Variants in PTPN14 observed in about 807,000 individuals in gnomAD.
PTPN14 encodes protein tyrosine phosphatase non-receptor type 14.
Under a neutral mutation model 126.8 loss-of-function variants are expected in PTPN14, and 53 were observed. The observed-to-expected ratio is 0.42, with a 90% confidence interval of 0.34 to 0.53. The LOEUF is 0.53. Ranked by LOEUF, PTPN14 falls within the 20% of genes least tolerant of loss-of-function variation. The pLI, the probability that PTPN14 is intolerant of heterozygous loss-of-function variation, is 0.08. For synonymous variants in PTPN14, 630 were observed against 599.3 expected (o/e 1.05, Z -0.75); for missense variants, 1,257 against 1,552.9 (o/e 0.81, Z 3.20).
intron 1 of PTPN14, among the ~76,000 whole-genome samples, chr1:214,515,762 T>C (rs1204761985): frequency 6.6e-6 from 1 of 151,792 alleles, no homozygotes; most frequent in Non-Finnish European, 1.5e-5. Context: ...ATTGCTAGCA[T>C]AAAAACAAAT....
At chr1:214,515,695 C>T (rs1360692499) in intron 1 of PTPN14, among the ~76,000 whole-genome samples, 1 of 151,986 alleles carries the variant, frequency 6.6e-6, no homozygotes, top group Non-Finnish European at 1.5e-5. Context: ...AATATTTCAA[C>T]ATTTTTAGTG....
At chr1:214,545,604 A>C (rs1425112228) in intron 1 of PTPN14, among the ~76,000 whole-genome samples, 2 of 152,164 alleles carry the variant, frequency 1.3e-5, no homozygotes, top group Non-Finnish European at 2.9e-5. Flanking sequence ...GGATGGAGGG[A>C]AAGGAGCAAA....
intron 1 of PTPN14, among the ~76,000 whole-genome samples, chr1:214,498,167 G>A (rs1237881220): frequency 6.6e-6 from 1 of 152,178 alleles, no homozygotes; most frequent in Admixed American, 6.5e-5. Flanking sequence ...TCTACTGAAT[G>A]TTATTGTTTC....
At chr1:214,493,906 T>A (rs968326215) in intron 1 of PTPN14, among the ~76,000 whole-genome samples, 8 of 152,154 alleles carry the variant, frequency 5.3e-5, no homozygotes, top group Non-Finnish European at 1.0e-4. Context: ...ATTTAAAAAA[T>A]TTAAAAATAC....
At chr1:214,406,758 C>T (rs1659181119) in intron 5 of PTPN14, among the ~76,000 whole-genome samples, 1 of 152,134 alleles carries the variant, frequency 6.6e-6, no homozygotes. Context: ...CGAAATAACT[C>T]CTTTACTACT....
intron 3 of PTPN14, among the ~76,000 whole-genome samples, chr1:214,439,237 C>T (rs552198578): frequency 6.6e-6 from 1 of 152,152 alleles, no homozygotes; most frequent in South Asian, 2.1e-4. Flanking sequence ...CATCAGTATC[C>T]TCATCAGTAG....
Position 214,390,996 on chromosome 1 carries a change from A to G in PTPN14, c.979T>C (p.Ser327Pro), listed in dbSNP as rs1455134141. Residue 327 changes from serine (S) to proline (P), a missense_variant, in exon 11 of 19, where the codon TCC becomes CCC. Transcript: ENST00000366956. ...PIRRQPTWSR[S>P]SLPRQQPYIL... is the part of the protein sequence containing the mutation. The stretch of plus-strand genomic sequence containing the variant: ...GCAGCTTCTATACATACCAGAGAGG[A>G]TCGGCTCCAGGTGGGCTGGCGTCTG... The G allele has an allele frequency of 6.3e-7, 1 of 1,578,484 alleles. No individual in the cohort carries two copies. Among genetic ancestry groups the G allele is most frequent in the East Asian group, 2.2e-5 (1 of 44,602 alleles).
At chr1:214,368,680 C>T (rs945083873) in intron 17 of PTPN14, among the ~76,000 whole-genome samples, 3 of 152,138 alleles carry the variant, frequency 2.0e-5, no homozygotes, top group Non-Finnish European at 4.4e-5. Flanking sequence ...AGAAATGTTG[C>T]ACCCATCAAA....
At chr1:214,536,508 G>A (rs1655712181) in intron 1 of PTPN14, among the ~76,000 whole-genome samples, 1 of 152,038 alleles carries the variant, frequency 6.6e-6, no homozygotes, top group African/African-American at 2.4e-5. Context: ...AAGTTAGCTG[G>A]GCATGGTGGC....
chr1:214,501,155 A>G (rs1008134619), intron 1 of PTPN14, among the ~76,000 whole-genome samples: 1 of 152,226 alleles, frequency 6.6e-6, no homozygotes, highest in African/African-American at 2.4e-5. Context: ...TCGTCTTTTC[A>G]TATTTTAATA....
At chr1:214,434,847 C>A (rs188417283) in intron 3 of PTPN14, among the ~76,000 whole-genome samples, 92 of 152,206 alleles carry the variant, frequency 6.0e-4, no homozygotes, top group Admixed American at 1.0e-3. Flanking sequence ...GGATGCCATT[C>A]CAAAAGCACA....
At chr1:214,453,646 C>T (rs113881547) in intron 2 of PTPN14, among the ~76,000 whole-genome samples, 3 of 152,150 alleles carry the variant, frequency 2.0e-5, no homozygotes, top group African/African-American at 7.2e-5. Context: ...CCACCACCAT[C>T]GCCACCACCA....
At chr1:214,481,027 A>G (rs964209145) in intron 1 of PTPN14, among the ~76,000 whole-genome samples, 1 of 152,212 alleles carries the variant, frequency 6.6e-6, no homozygotes, top group Non-Finnish European at 1.5e-5. Flanking sequence ...GGCTCAGGAT[A>G]ATCTACAAAA....
At position 214,350,615 on chromosome 1, in the gene PTPN14, A is replaced by G. The variant is rs1571943132; in HGVS notation, c.*7307T>C. 1 of 131,016 alleles carries G rather than the reference A, an allele frequency of 7.6e-6. No individual in the cohort carries two copies. The allele number at this position is 131,016 out of a possible 1,614,324, so 8.1% of individuals were successfully genotyped here. A position where few individuals can be genotyped will look rare whatever the true frequency, so the allele number is the denominator to read the frequency against. On this transcript the variant is annotated 3_prime_UTR_variant, in exon 19 of 19. Coordinates refer to ENST00000366956, the MANE Select transcript of PTPN14 (RefSeq NM_005401.5). Reference sequence around the variant, plus strand: ...GAGTGCAGTGGCATGATCTCGGCTCACTGCAACCTCCACCTCCCGGGTTCA... The same window carrying G: ...GAGTGCAGTGGCATGATCTCGGCTCGCTGCAACCTCCACCTCCCGGGTTCA...
chr1:214,434,611 T>C (rs547856155), intron 3 of PTPN14, among the ~76,000 whole-genome samples: 1 of 152,116 alleles, frequency 6.6e-6, no homozygotes, highest in East Asian at 1.9e-4. Flanking sequence ...ATTTTTAATA[T>C]AGAAAAAGCA....
Position 214,388,944 on chromosome 1 carries a change from A to T in PTPN14, c.988-2022T>A, listed in dbSNP as rs551954318. 1.1e-4 allele frequency among the ~76,000 whole-genome samples: 16 copies of T among 152,332 alleles called. 1 individual carries two copies. In the South Asian group the frequency reaches 3.3e-3, roughly 32 times the overall value. On this transcript the variant is annotated intron_variant, in intron 11 of 18. Coordinates refer to ENST00000366956, the MANE Select transcript of PTPN14 (RefSeq NM_005401.5). ...GTAATAAAAAAAAAGGGATCCAAGA[A>T]TTAAAAGGAATCAAGACAGAAGAAA...
chr1:214,397,005 C>T (rs1452429410), intron 8 of PTPN14, among the ~76,000 whole-genome samples: 1 of 152,174 alleles, frequency 6.6e-6, no homozygotes, highest in African/African-American at 2.4e-5. Flanking sequence ...TCTTGTCACT[C>T]CTGCTTCAAT....
rs74588916 is a variant in PTPN14 at position 214,365,666 on chromosome 1, C to T, written c.3272-991G>A. Among the ~76,000 whole-genome samples, 76 of 152,230 alleles carry T rather than the reference C, an allele frequency of 5.0e-4. No homozygotes were observed. The East Asian group carries it at 0.011, about 22-fold the overall frequency. ...AACCATTCAAATAATTTCAAAGCACCTGTTTACAGACATATATAAATAATC... is the reference window on the plus strand; with the variant it reads ...AACCATTCAAATAATTTCAAAGCACTTGTTTACAGACATATATAAATAATC... On this transcript the variant is annotated intron_variant, in intron 17 of 18. Transcript: ENST00000366956.
rs564445205 is a variant in PTPN14, at chr1:214,487,708, C to T, written c.-154-22751G>A. Among the ~76,000 whole-genome samples, 3 of 151,888 alleles carry T rather than the reference C, an allele frequency of 2.0e-5. No homozygotes were observed. In the South Asian group the frequency reaches 6.2e-4, roughly 32 times the overall value. On this transcript the variant is annotated intron_variant, in intron 1 of 18. Coordinates refer to ENST00000366956, the MANE Select transcript of PTPN14 (RefSeq NM_005401.5). Reference sequence around the variant, plus strand: ...AAAAGCTCCATCAATATATACTTTGCAATTAGTCTGTGAAGAAGGTTTGAA... The same window carrying T: ...AAAAGCTCCATCAATATATACTTTGTAATTAGTCTGTGAAGAAGGTTTGAA...
Sources: gnomAD v4.1 joint callset for allele counts (sites outside exome capture counted in the v4.1 genomes callset) on GRCh38, gnomAD v4.1.1 for gene constraint, MANE v1.5 for transcripts, NCBI Gene and HGNC (gene_info 2026-07-23, HGNC 2026-07-21) for gene names.